The following DBNDD1 variants were observed in gnomAD, a reference collection of about 807,000 sequenced individuals.
DBNDD1 encodes the protein dysbindin domain-containing protein 1.
In DBNDD1, 14 loss-of-function variants were observed where a neutral mutation model predicts 17.0. That is an observed-to-expected ratio of 0.82 (90% CI 0.54 to 1.29). The LOEUF (loss-of-function observed/expected upper bound fraction) is 1.29. Among genes scored for constraint, DBNDD1 ranks in the 50% most tolerant of loss-of-function variants. The pLI, the probability that DBNDD1 is intolerant of heterozygous loss-of-function variation, is 0.00. For missense variants in DBNDD1, 221 were observed against 216.2 expected (o/e 1.02, Z -0.14); for synonymous variants, 105 against 102.0 (o/e 1.03, Z -0.18).
At chr16:90,009,056 A>G in intron 2 of DBNDD1, 132 bp from the exon 3 acceptor site, 1 of 1,295,566 alleles carries the variant, frequency 7.7e-7, no homozygotes, top group Non-Finnish European at 1.0e-6. Context: ...TGCAAAGCCC[A>G]CACCGGCAGG....
In DBNDD1 at chr16:90,006,246, G is replaced by T. The variant is rs562596154; in HGVS notation, c.*89C>A. 1.4e-6 allele frequency: 2 copies of T among 1,474,964 alleles called. No individual in the cohort carries two copies. The highest frequency in any genetic ancestry group is 1.3e-5 in the South Asian group (1 of 76,946). 91.4% of individuals were successfully genotyped at this position (1,474,964 alleles called of 1,614,324 possible). A position where few individuals can be genotyped will look rare whatever the true frequency, so the allele number is the denominator to read the frequency against. ...GTGACGGCTGGAGCCTCGTGGGCGG[G>T]TGAAGTGTGTCTGCTGGGTCAGCAC... On this transcript the variant is annotated 3_prime_UTR_variant, in exon 4 of 4. Coordinates refer to ENST00000002501, the MANE Select transcript of DBNDD1 (RefSeq NM_001042610.3).
At chr16:90,014,920 G>A (rs573000422) in intron 1 of DBNDD1, among the ~76,000 whole-genome samples, 10 of 151,480 alleles carry the variant, frequency 6.6e-5, no homozygotes, top group Admixed American at 2.6e-4. Context: ...CAGGAGACTC[G>A]CTTGAACCTA....
In DBNDD1 at chr16:90,008,809, C is replaced by G. The variant is rs748293497; in HGVS notation, c.294G>C (p.Glu98Asp). 7 of 1,603,018 alleles carry G rather than the reference C, an allele frequency of 4.4e-6. No homozygotes were observed. In the African/African-American group the frequency reaches 8.0e-5, roughly 18 times the overall value. ...CTGCTGGGGACTCGGTGTTGAGGTT[C>G]TCGTCGTCCGAGTCAGCAAAGACCT... ...LAEVFADSDDENLNTESPAGL... is the reference protein window; with the variant it reads ...LAEVFADSDDDNLNTESPAGL... The change falls in exon 3 of 4, where the codon GAG becomes GAC. Residue 98 changes from glutamate (E) to aspartate (D), a missense_variant. Coordinates refer to ENST00000002501, the MANE Select transcript of DBNDD1 (RefSeq NM_001042610.3).
rs1346397316 is a variant in DBNDD1 at position 90,006,590 on chromosome 16, A to G, written c.320-98T>C. ...GCCGGCCTCCTGCGCCACTCCTGCC[A>G]ATGCTCTGCACCAGCCCCCTGCACC... On this transcript the variant is annotated intron_variant, in intron 3 of 3. Coordinates refer to ENST00000002501, the MANE Select transcript of DBNDD1 (RefSeq NM_001042610.3). 6.9e-6 allele frequency: 10 copies of G among 1,444,168 alleles called. No individual in the cohort carries two copies. The East Asian group carries it at 2.2e-4, about 32-fold the overall frequency. The allele number at this position is 1,444,168 out of a possible 1,614,324, so 89.5% of individuals were successfully genotyped here.
intron 1 of DBNDD1, 55 bp from the exon 2 acceptor site, chr16:90,009,485 C>T: frequency 3.1e-6 from 5 of 1,597,308 alleles, no homozygotes; most frequent in Non-Finnish European, 4.3e-6. Flanking sequence ...CACATCCCCC[C>T]AGGACGCGGG....
chr16:90,006,252 T>C lies in DBNDD1; in HGVS notation c.*83A>G, dbSNP rs1338440059. 19 of 1,486,112 alleles carry C rather than the reference T, an allele frequency of 1.3e-5. No individual in the cohort carries two copies. The highest frequency in any genetic ancestry group is 1.6e-5 in the Non-Finnish European group (18 of 1,109,720). 92.1% of individuals were successfully genotyped at this position (1,486,112 alleles called of 1,614,324 possible). A position where few individuals can be genotyped will look rare whatever the true frequency, so the allele number is the denominator to read the frequency against. On this transcript the variant is annotated 3_prime_UTR_variant, in exon 4 of 4. Transcript: ENST00000002501. ...GCTGGAGCCTCGTGGGCGGGTGAAG[T>C]GTGTCTGCTGGGTCAGCACTGCCCA...
intron 1 of DBNDD1, among the ~76,000 whole-genome samples, chr16:90,017,000 C>T (rs1165557307): frequency 6.6e-6 from 1 of 152,174 alleles, no homozygotes; most frequent in African/African-American, 2.4e-5. Context: ...GACTCTCAGC[C>T]TCCTGAGGAT....
In DBNDD1 at chr16:90,009,294, C is replaced by T. The variant is rs35368249; in HGVS notation, c.168G>A (p.Thr56=). 137 of 1,613,268 alleles carry T rather than the reference C, an allele frequency of 8.5e-5. No homozygotes were observed. Among genetic ancestry groups the T allele is most frequent in the South Asian group, 1.1e-4 (10 of 91,086 alleles). The change falls in exon 2 of 4, where the codon ACG becomes ACA. Residue 56 remains threonine, a synonymous_variant. Transcript: ENST00000002501. The stretch of plus-strand genomic sequence containing the variant: ...GGGAGCAGTACTTACGCCTCCTCTC[C>T]GTGACCTGCAGGAGCCCCGGTGCTG... ...PVPAPGLLQV[T]ERRQPLSSVS...
At position 90,009,062 on chromosome 16, in the gene DBNDD1, G is replaced by A. The variant is rs1260007799; in HGVS notation, c.179-138C>T. 1.3e-5 allele frequency: 16 copies of A among 1,277,182 alleles called. No homozygotes were observed. The East Asian group carries it at 3.6e-4, about 29-fold the overall frequency. 79.1% of individuals were successfully genotyped at this position (1,277,182 alleles called of 1,614,324 possible). ...ACAGCTTCCTGCAAAGCCCACACCG[G>A]CAGGATCTGATGAGTGTTGCGTATA... On this transcript the variant is annotated intron_variant, in intron 2 of 3. Transcript: ENST00000002501.
chr16:90,011,330 G>A lies in DBNDD1; in HGVS notation c.32-1900C>T, dbSNP rs541470842. 1.7e-3 allele frequency among the ~76,000 whole-genome samples: 256 copies of A among 152,356 alleles called. 1 individual carries two copies. The highest frequency in any genetic ancestry group is 5.7e-3 in the African/African-American group (238 of 41,584). ...AGATACTGCCAGGTGGGCCTGGAGC[G>A]TCCGTCCCGGTGCACCCCCACCCCT... On this transcript the variant is annotated intron_variant, in intron 1 of 3. Coordinates refer to ENST00000002501, the MANE Select transcript of DBNDD1 (RefSeq NM_001042610.3).
chr16:90,009,261 G>T, intron 2 of DBNDD1, 23 bp downstream of exon 2: 2 of 1,611,074 alleles, frequency 1.2e-6, no homozygotes, highest in South Asian at 1.1e-5. Context: ...CATAGCGTGC[G>T]CTGGGCAGGG....
rs1359511230 is a variant in DBNDD1 at position 90,005,451 on chromosome 16, C to T, written c.*884G>A. On this transcript the variant is annotated 3_prime_UTR_variant, in exon 4 of 4. Coordinates refer to ENST00000002501, the MANE Select transcript of DBNDD1 (RefSeq NM_001042610.3). ...CTCCTGGACAGAGACCCACGGGGTCCCATGGGCTCCAAACCTGCCCAGCAA... is the reference window on the plus strand; with the variant it reads ...CTCCTGGACAGAGACCCACGGGGTCTCATGGGCTCCAAACCTGCCCAGCAA... 1 of 152,152 alleles carries T rather than the reference C, an allele frequency of 6.6e-6. No individual in the cohort carries two copies. The highest frequency in any genetic ancestry group is 1.5e-5 in the Non-Finnish European group (1 of 68,034). The allele number at this position is 152,152 out of a possible 1,614,324, so 9.4% of individuals were successfully genotyped here.
intron 1 of DBNDD1, among the ~76,000 whole-genome samples, chr16:90,012,577 A>G (rs1018877864): frequency 1.3e-5 from 2 of 151,468 alleles, no homozygotes; most frequent in Non-Finnish European, 2.9e-5. Context: ...CTCCTGCGTC[A>G]GCCTTCCGAG....
chr16:90,011,850 C>T (rs1407482016), intron 1 of DBNDD1, among the ~76,000 whole-genome samples: 4 of 152,298 alleles, frequency 2.6e-5, no homozygotes, highest in East Asian at 1.9e-4. Flanking sequence ...GGGGACCTCC[C>T]GGACACCAGC....
chr16:90,012,243 A>G (rs1254731698), intron 1 of DBNDD1, among the ~76,000 whole-genome samples: 3 of 152,164 alleles, frequency 2.0e-5, no homozygotes, highest in African/African-American at 7.2e-5. Flanking sequence ...GTGGGGAACC[A>G]AGGTGCAGGG....
intron 3 of DBNDD1, chr16:90,007,742 T>C (rs1243954345): frequency 1.3e-5 from 2 of 152,386 alleles, no homozygotes; most frequent in African/African-American, 4.8e-5. Context: ...TAGCCGTCTG[T>C]TGCTCACTTG....
intron 1 of DBNDD1, among the ~76,000 whole-genome samples, chr16:90,016,571 T>A (rs959210139): frequency 1.3e-5 from 2 of 152,162 alleles, no homozygotes; most frequent in African/African-American, 4.8e-5. Context: ...CCAACCCCCC[T>A]GCAGGGGCTG....
Position 90,013,741 on chromosome 16 carries a change from C to T in DBNDD1, c.32-4311G>A, listed in dbSNP as rs184906239. Among the ~76,000 whole-genome samples the T allele has an allele frequency of 3.8e-3, 574 of 152,262 alleles. 10 individuals are homozygous for T. Among genetic ancestry groups the T allele is most frequent in the Non-Finnish European group, 7.9e-4 (54 of 68,014 alleles). On this transcript the variant is annotated intron_variant, in intron 1 of 3. Transcript: ENST00000002501. ...CATTCATTCACCCAACCAAGACTTC[C>T]GAATCACCCTCTGTTCTGGGGACAT...
chr16:90,011,329 C>T (rs1385095147), intron 1 of DBNDD1, among the ~76,000 whole-genome samples: 2 of 152,212 alleles, frequency 1.3e-5, no homozygotes, highest in Middle Eastern at 3.2e-3. Flanking sequence ...GGGCCTGGAG[C>T]GTCCGTCCCG....
Sources: gnomAD v4.1 joint callset for allele counts (sites outside exome capture counted in the v4.1 genomes callset) on GRCh38, gnomAD v4.1.1 for gene constraint, MANE v1.5 for transcripts, NCBI Gene and HGNC (gene_info 2026-07-23, HGNC 2026-07-21) for gene names.